The following FGF9 variants were observed in gnomAD, a reference collection of about 807,000 sequenced individuals.
The protein encoded by FGF9 is fibroblast growth factor 9, also known as fibroblast growth factor 9 (glia-activating factor).
In FGF9, 3 loss-of-function variants were observed where a neutral mutation model predicts 19.9. That is an observed-to-expected ratio of 0.15 (90% CI 0.07 to 0.39). The LOEUF is 0.39. Among genes scored for constraint, FGF9 ranks in the 10% least tolerant of loss-of-function variants. The pLI is 1.00. For synonymous variants in FGF9, 107 were observed against 106.9 expected, an observed-to-expected ratio of 1.00 and a Z score of -0.01; for missense variants, 175 against 256.8, an observed-to-expected ratio of 0.68 and a Z score of 2.18.
intron 1 of FGF9, among the ~76,000 whole-genome samples, chr13:21,680,675 G>A (rs764096232): frequency 2.6e-5 from 4 of 152,194 alleles, no homozygotes; most frequent in Non-Finnish European, 5.9e-5. Flanking sequence ...CAAAGTGGAT[G>A]TAGGTTGTCT....
intron 2 of FGF9, among the ~76,000 whole-genome samples, chr13:21,698,019 A>G (rs1047974388): frequency 2.6e-5 from 4 of 152,276 alleles, no homozygotes; most frequent in African/African-American, 9.6e-5. Flanking sequence ...CGTGTTAGCC[A>G]GGATGGTCTC....
chr13:21,678,174 A>C (rs1354059660), intron 1 of FGF9, among the ~76,000 whole-genome samples: 3 of 152,210 alleles, frequency 2.0e-5, no homozygotes, highest in Non-Finnish European at 4.4e-5. Flanking sequence ...AAAGTGAACG[A>C]ATATGAATTA....
intron 2 of FGF9, among the ~76,000 whole-genome samples, chr13:21,697,517 A>C (rs9578395): frequency 6.6e-6 from 1 of 152,118 alleles, no homozygotes; most frequent in African/African-American, 2.4e-5. Context: ...CGATGCTCTA[A>C]TAGCCTGCTA....
At chr13:21,695,113 TGTGA>T (rs1555224965) in intron 2 of FGF9, among the ~76,000 whole-genome samples, 3 of 150,966 alleles carry the variant, frequency 2.0e-5, no homozygotes, top group South Asian at 2.1e-4. Flanking sequence ...TGTGTGTGTG[TGTGA>T]GAGAGACTAG....
chr13:21,699,011 A>G (rs1253811198), intron 2 of FGF9, among the ~76,000 whole-genome samples: 1 of 152,246 alleles, frequency 6.6e-6, no homozygotes, highest in Non-Finnish European at 1.5e-5. Flanking sequence ...GGAAGTAAGG[A>G]CTAAAATAGC....
Position 21,672,258 on chromosome 13 carries a change from G to A in FGF9, c.277+69G>A. 1 of 1,571,672 alleles carries A rather than the reference G, an allele frequency of 6.4e-7. No homozygotes were observed. Among genetic ancestry groups the A allele is most frequent in the Middle Eastern group, 1.7e-4 (1 of 5,812 alleles). ...TGAAATTATAACTACCAAGAAGGTG[G>A]TGGCCGGGTGGGGGACGTGGGAAGG... On this transcript the variant is annotated intron_variant, in intron 1 of 2. Transcript: ENST00000382353. The surrounding 1 kb of genome is among the most constrained non-coding windows in gnomAD (Gnocchi z 4.2).
rs554806780 is a variant in FGF9 at position 21,691,948 on chromosome 13, C to T, written c.382-9242C>T. 5.2e-4 allele frequency among the ~76,000 whole-genome samples: 79 copies of T among 151,762 alleles called. No homozygotes were observed. The highest frequency in any genetic ancestry group is 1.7e-3 in the African/African-American group (72 of 41,354). ...TCTTCATGCTGTCTCTAAATGCTTACGATCCTGACATTAATTGATTCCCTT... is the reference window on the plus strand; with the variant it reads ...TCTTCATGCTGTCTCTAAATGCTTATGATCCTGACATTAATTGATTCCCTT... On this transcript the variant is annotated intron_variant, in intron 2 of 2. Transcript: ENST00000382353. This position sits in a 1 kb window ranked among gnomAD's most constrained non-coding sequence, Gnocchi z 4.2.
chr13:21,672,184 G>T lies in FGF9; in HGVS notation c.272G>T (p.Arg91Leu). The change falls in exon 1 of 3, where the codon CGA (arginine) becomes CTA (leucine). Residue 91 changes from arginine (R) to leucine (L), a missense_variant. Transcript: ENST00000382353. This position sits in a 1 kb window ranked among gnomAD's most constrained non-coding sequence, Gnocchi z 4.2. ...CAGGGAACCAGGAAAGACCACAGCC[G>T]ATTTGGTAGGTATACCATTAACCCT... ...TIQGTRKDHS[R>L]FGILEFISIA... 6.2e-7 allele frequency: 1 copy of T among 1,614,194 alleles called. No individual in the cohort carries two copies.
rs1030391252 is a variant in FGF9 at position 21,671,627 on chromosome 13, G to A, written c.-286G>A. On this transcript the variant is annotated 5_prime_UTR_variant, in exon 1 of 3. An upstream open reading frame in the 5' UTR gains an earlier in-frame stop. Transcript: ENST00000382353. ...AAGACCTTCCTGCCTGCTAAGAGCTGGGGATCTATCTATAGAGATACATAG... is the reference window on the plus strand; with the variant it reads ...AAGACCTTCCTGCCTGCTAAGAGCTAGGGATCTATCTATAGAGATACATAG... 4.8e-5 allele frequency: 27 copies of A among 560,902 alleles called. No homozygotes were observed. Among genetic ancestry groups the A allele is most frequent in the Non-Finnish European group, 8.2e-5 (26 of 318,476 alleles). The allele number at this position is 560,902 out of a possible 1,614,324, so 34.7% of individuals were successfully genotyped here. A position where few individuals can be genotyped will look rare whatever the true frequency, so the allele number is the denominator to read the frequency against.
In FGF9 at chr13:21,671,438, G is replaced by A; in HGVS notation, c.-475G>A. On this transcript the variant is annotated 5_prime_UTR_variant, in exon 1 of 3. Coordinates refer to ENST00000382353, the MANE Select transcript of FGF9 (RefSeq NM_002010.3). ...CAGAGTCGGTTAGAGAGTAAAAACA[G>A]CGCATGCCTTCCTGGAGTCAGGATC... 2.4e-6 allele frequency: 1 copy of A among 423,378 alleles called. No homozygotes were observed. The highest frequency in any genetic ancestry group is 3.4e-5 in the East Asian group (1 of 29,602). 26.2% of individuals were successfully genotyped at this position (423,378 alleles called of 1,614,324 possible).
Position 21,704,392 on chromosome 13 carries a change from C to A in FGF9, c.*2957C>A, listed in dbSNP as rs1027324411. 2 of 152,176 alleles carry A rather than the reference C, an allele frequency of 1.3e-5. No individual in the cohort carries two copies. Among genetic ancestry groups the A allele is most frequent in the Non-Finnish European group, 2.9e-5 (2 of 68,034 alleles). The allele number at this position is 152,176 out of a possible 1,614,324, so 9.4% of individuals were successfully genotyped here. ...CTGGTGTTTTTATTCTATTTCATCT[C>A]ATTAACACTACAACCTTGTGTTATT... On this transcript the variant is annotated 3_prime_UTR_variant, in exon 3 of 3. Transcript: ENST00000382353.
intron 2 of FGF9, among the ~76,000 whole-genome samples, chr13:21,687,711 C>T (rs1872194258): frequency 6.6e-6 from 1 of 152,208 alleles, no homozygotes. Context: ...CTTCACTTAT[C>T]TCAGACACAC....
At chr13:21,675,588 T>A (rs536485735) in intron 1 of FGF9, among the ~76,000 whole-genome samples, 1 of 152,070 alleles carries the variant, frequency 6.6e-6, no homozygotes, top group South Asian at 2.1e-4. Flanking sequence ...CTCCTCCTCC[T>A]CCGGCAGCAG....
intron 2 of FGF9, among the ~76,000 whole-genome samples, chr13:21,690,202 C>G (rs887902475): frequency 6.6e-6 from 1 of 152,186 alleles, no homozygotes; most frequent in South Asian, 2.1e-4. Flanking sequence ...CACTCACACA[C>G]TCTTCCATCC....
chr13:21,675,050 G>A (rs1240605454), intron 1 of FGF9, among the ~76,000 whole-genome samples: 1 of 148,454 alleles, frequency 6.7e-6, no homozygotes, highest in Admixed American at 6.6e-5. Flanking sequence ...GGGGGGAGGG[G>A]CTAGGGGTAG....
rs1395558031 is a variant in FGF9 at position 21,691,249 on chromosome 13, T to C, written c.382-9941T>C. Reference sequence around the variant, plus strand: ...GCAACTTCATTGAGGGAGTCAGACATGTAAACCAAGAATTATAATTTGGTG... The same window carrying C: ...GCAACTTCATTGAGGGAGTCAGACACGTAAACCAAGAATTATAATTTGGTG... On this transcript the variant is annotated intron_variant, in intron 2 of 2. Transcript: ENST00000382353. The surrounding 1 kb of genome is among the most constrained non-coding windows in gnomAD (Gnocchi z 4.2). Among the ~76,000 whole-genome samples the C allele has an allele frequency of 6.6e-6, 1 of 152,180 alleles. No homozygotes were observed. Among genetic ancestry groups the C allele is most frequent in the East Asian group, 1.9e-4 (1 of 5,198 alleles).
At chr13:21,677,194 G>A (rs1871937706) in intron 1 of FGF9, among the ~76,000 whole-genome samples, 1 of 152,138 alleles carries the variant, frequency 6.6e-6, no homozygotes, top group South Asian at 2.1e-4. Context: ...TGGGCCGTCT[G>A]AGCTAAGGAT....
chr13:21,677,818 T>G (rs75431351), intron 1 of FGF9, among the ~76,000 whole-genome samples: 1 of 152,220 alleles, frequency 6.6e-6, no homozygotes. Flanking sequence ...TTTGAGGTGA[T>G]GAAATCTTTT....
chr13:21,695,091 T>TGTGTGC (rs1048816282), intron 2 of FGF9, among the ~76,000 whole-genome samples: 1 of 148,690 alleles, frequency 6.7e-6, no homozygotes, highest in African/African-American at 2.6e-5. Context: ...TGCGTGTGTG[T>TGTGTGC]GTGTGTGTGT....
Sources: allele counts gnomAD v4.1 joint callset (sites outside exome capture counted in the v4.1 genomes callset), GRCh38; gene constraint gnomAD v4.1.1; non-coding constraint Gnocchi (gnomAD v3.1); transcripts MANE v1.5; gene names NCBI Gene and HGNC (gene_info 2026-07-23, HGNC 2026-07-21).